Variants in RBFOX1 observed in about 807,000 individuals in gnomAD.
RBFOX1 encodes the protein RNA binding fox-1 homolog 1, also known as RNA binding protein fox-1 homolog 1.
A neutral mutation model predicts 57.7 loss-of-function variants in RBFOX1; 8 were observed. The ratio of observed to expected loss-of-function variants is 0.14; its 90% CI spans 0.08 to 0.25. RBFOX1 has a LOEUF of 0.25. Among genes scored for constraint, RBFOX1 ranks in the 10% least tolerant of loss-of-function variants. The pLI, the probability that RBFOX1 is intolerant of heterozygous loss-of-function variation, is 1.00. For missense variants in RBFOX1, 611 were observed against 548.5 expected, an observed-to-expected ratio of 1.11 and a Z score of -1.14; for synonymous variants, 326 against 222.4, an observed-to-expected ratio of 1.47 and a Z score of -4.15.
intron 11 of RBFOX1, among the ~76,000 whole-genome samples, chr16:7,640,576 G>A (rs181625427): frequency 6.6e-6 from 1 of 152,186 alleles, no homozygotes; most frequent in Admixed American, 6.5e-5. Context: ...GTTGCCCTGG[G>A]ATTCCAATGC....
At chr16:5,434,262 C>T (rs970063981) in intron 1 of RBFOX1, among the ~76,000 whole-genome samples, 17 of 150,200 alleles carry the variant, frequency 1.1e-4, no homozygotes, top group East Asian at 3.9e-4. Context: ...GAAATATTCC[C>T]CTGGGCTTCC....
At chr16:7,563,006 A>G (rs2090781149) in intron 5 of RBFOX1, among the ~76,000 whole-genome samples, 1 of 152,194 alleles carries the variant, frequency 6.6e-6, no homozygotes, top group African/African-American at 2.4e-5. Flanking sequence ...TTGCAATGCC[A>G]GGGCTCTAAG....
intron 3 of RBFOX1, among the ~76,000 whole-genome samples, chr16:6,972,559 A>G (rs2085819258): frequency 6.6e-6 from 1 of 152,130 alleles, no homozygotes; most frequent in Non-Finnish European, 1.5e-5. Context: ...GGATACAAAT[A>G]TATTGCAGCA....
intron 3 of RBFOX1, among the ~76,000 whole-genome samples, chr16:6,862,074 G>A (rs958953966): frequency 2.0e-5 from 3 of 152,076 alleles, no homozygotes; most frequent in African/African-American, 7.2e-5. Flanking sequence ...AACTGATTTC[G>A]ATGAGAAGAT....
At chr16:6,066,820 T>C (rs1009607577) in intron 1 of RBFOX1, among the ~76,000 whole-genome samples, 1 of 152,158 alleles carries the variant, frequency 6.6e-6, no homozygotes, top group Non-Finnish European at 1.5e-5. Flanking sequence ...CATTCTGCCC[T>C]CCACTCAGAG....
intron 4 of RBFOX1, among the ~76,000 whole-genome samples, chr16:5,886,146 C>A (rs555777539): frequency 6.6e-6 from 1 of 152,314 alleles, no homozygotes; most frequent in South Asian, 2.1e-4. Flanking sequence ...TCCTCTACAG[C>A]TTGTGGAACT....
intron 4 of RBFOX1, among the ~76,000 whole-genome samples, chr16:7,075,317 G>A (rs1301407054): frequency 2.6e-5 from 4 of 152,188 alleles, no homozygotes; most frequent in Admixed American, 6.5e-5. Context: ...TATTTATAGA[G>A]CACTGAGAGG....
intron 4 of RBFOX1, among the ~76,000 whole-genome samples, chr16:7,078,729 C>T (rs1692549862): frequency 6.7e-6 from 1 of 149,744 alleles, no homozygotes; most frequent in Non-Finnish European, 1.5e-5. Context: ...GTCACCCAGG[C>T]TGGAGTGCAA....
At chr16:5,825,306 G>A (rs146026897) in intron 3 of RBFOX1, among the ~76,000 whole-genome samples, 1 of 152,312 alleles carries the variant, frequency 6.6e-6, no homozygotes, top group East Asian at 1.9e-4. Flanking sequence ...CCCTGCCCAG[G>A]CTGTGAGCAG....
chr16:6,914,744 T>G (rs1450335235), intron 3 of RBFOX1, among the ~76,000 whole-genome samples: 1 of 152,206 alleles, frequency 6.6e-6, no homozygotes, highest in South Asian at 2.1e-4. Flanking sequence ...CATGGTGGTG[T>G]GCACCTGTAG....
intron 2 of RBFOX1, among the ~76,000 whole-genome samples, chr16:5,525,283 C>T (rs367719042): frequency 1.4e-4 from 22 of 152,172 alleles, no homozygotes; most frequent in African/African-American, 2.9e-4. Context: ...GTAATAATCA[C>T]GCCTGACATT....
chr16:5,496,357 C>T (rs987812184), intron 2 of RBFOX1, among the ~76,000 whole-genome samples: 4 of 152,104 alleles, frequency 2.6e-5, no homozygotes, highest in Non-Finnish European at 4.4e-5. Flanking sequence ...CTCCCTTAGC[C>T]CTCCTGTACC....
Position 5,734,187 on chromosome 16 carries a change from G to T in RBFOX1, c.319-133116G>T, listed in dbSNP as rs547214705. 2.0e-5 allele frequency among the ~76,000 whole-genome samples: 3 copies of T among 152,304 alleles called. No homozygotes were observed. The South Asian group carries it at 6.2e-4, about 32-fold the overall frequency. ...TGTTCAAAGAGCACAGGTTTGGCCA[G>T]ACATGGTGGCTTATGCCTGCAATCT... On this transcript the variant is annotated intron_variant, in intron 3 of 19. Coordinates refer to the RBFOX1 transcript ENST00000641259.
At chr16:5,410,546 T>C (rs1179751075) in intron 1 of RBFOX1, among the ~76,000 whole-genome samples, 1 of 152,204 alleles carries the variant, frequency 6.6e-6, no homozygotes, top group African/African-American at 2.4e-5. Flanking sequence ...TGGTCTGAAA[T>C]TCAAGTCTTG....
intron 2 of RBFOX1, among the ~76,000 whole-genome samples, chr16:6,562,836 CTTTCTTTCTTTCTTTCTT>C (rs1567693123): frequency 0.089 from 3,359 of 37,638 alleles, 646 homozygotes; most frequent in African/African-American, 0.3. Context: ...TGATTCTTTT[CTTTCTTTCTTTCTTTCTT>C]TCTTTCTTTC....
At position 7,623,865 on chromosome 16, in the gene RBFOX1, A is replaced by G. The variant is rs138914883; in HGVS notation, c.677-6738A>G. Among the ~76,000 whole-genome samples, 24 of 152,210 alleles carry G rather than the reference A, an allele frequency of 1.6e-4. No individual in the cohort carries two copies. In the East Asian group the frequency reaches 3.9e-3, roughly 25 times the overall value. On this transcript the variant is annotated intron_variant, in intron 10 of 15. Coordinates refer to ENST00000550418, the MANE Select transcript of RBFOX1 (RefSeq NM_018723.4). The stretch of plus-strand genomic sequence containing the variant: ...TGTCCTCATCTCCTCTTCTTGTAAG[A>G]TCTGTCAGATTAAGGCCCACCCATA...
chr16:6,737,299 C>G (rs2070661915), intron 3 of RBFOX1, among the ~76,000 whole-genome samples: 1 of 152,164 alleles, frequency 6.6e-6, no homozygotes, highest in Non-Finnish European at 1.5e-5. Context: ...TATCCCTACC[C>G]TTATATGTTA....
At chr16:6,647,412 T>C (rs188677004) in intron 2 of RBFOX1, among the ~76,000 whole-genome samples, 1 of 152,258 alleles carries the variant, frequency 6.6e-6, no homozygotes. Context: ...GCCTGGCTAA[T>C]TTTTCTATTA....
At chr16:7,340,626 C>T (rs1172979606) in intron 4 of RBFOX1, among the ~76,000 whole-genome samples, 1 of 152,274 alleles carries the variant, frequency 6.6e-6, no homozygotes, top group East Asian at 1.9e-4. Context: ...ATTCATGATC[C>T]ATGCAGCCAC....
Sources: gnomAD v4.1 joint callset for allele counts (sites outside exome capture counted in the v4.1 genomes callset) on GRCh38, gnomAD v4.1.1 for gene constraint, MANE v1.5 for transcripts, NCBI Gene and HGNC (gene_info 2026-07-23, HGNC 2026-07-21) for gene names.